Variants in SEMA3E observed in about 807,000 individuals in gnomAD.
The protein encoded by SEMA3E is semaphorin 3E.
Under a neutral mutation model 93.6 loss-of-function variants are expected in SEMA3E, and 49 were observed. The observed-to-expected ratio is 0.52, with a 90% CI of 0.42 to 0.66. The LOEUF is 0.66. SEMA3E is among the 30% of genes least tolerant of loss of function. The pLI is 0.00. For missense variants in SEMA3E, 906 were observed against 964.8 expected, an observed-to-expected ratio of 0.94 and a Z score of 0.81; for synonymous variants, 363 against 330.7, an observed-to-expected ratio of 1.10 and a Z score of -1.06.
intron 1 of SEMA3E, among the ~76,000 whole-genome samples, chr7:83,523,901 G>C (rs1354958716): frequency 2.6e-5 from 4 of 151,950 alleles, no homozygotes; most frequent in Non-Finnish European, 5.9e-5. Context: ...AGAAAGCCTG[G>C]TAACAGATAT....
intron 1 of SEMA3E, among the ~76,000 whole-genome samples, chr7:83,560,906 G>C (rs564534475): frequency 6.6e-6 from 1 of 151,830 alleles, no homozygotes; most frequent in African/African-American, 2.4e-5. Context: ...CATATGGATT[G>C]GGGTAAACTT....
intron 16 of SEMA3E, 64 bp downstream of exon 16, chr7:83,385,230 A>G: frequency 1.3e-6 from 2 of 1,561,528 alleles, no homozygotes; most frequent in East Asian, 2.3e-5. Context: ...CAAATAAATC[A>G]TCTATTTACT....
intron 1 of SEMA3E, among the ~76,000 whole-genome samples, chr7:83,617,465 TAATTTTATATA>T (rs572990359): frequency 3.8e-3 from 125 of 32,636 alleles, no homozygotes; most frequent in African/African-American, 4.6e-3. Context: ...AAATAATATA[TAATTTTATATA>T]AATTTTATAT....
intron 1 of SEMA3E, among the ~76,000 whole-genome samples, chr7:83,584,567 T>A (rs1303306583): frequency 6.6e-6 from 1 of 152,146 alleles, no homozygotes; most frequent in African/African-American, 2.4e-5. Flanking sequence ...CAGGAAGCAG[T>A]TGAAGCACCA....
At chr7:83,369,033 GC>G (rs1794716468) in intron 16 of SEMA3E, among the ~76,000 whole-genome samples, 1 of 152,108 alleles carries the variant, frequency 6.6e-6, no homozygotes, top group South Asian at 2.1e-4. Flanking sequence ...TTTGCACAGT[GC>G]TATCAATAGC....
chr7:83,418,308 CT>C (rs781006936), intron 5 of SEMA3E, 81 bp downstream of exon 5: 16 of 976,122 alleles, frequency 1.6e-5, no homozygotes, highest in Non-Finnish European at 2.6e-5. Context: ...TAAAGAAATG[CT>C]GAAAGAATGT....
chr7:83,483,303 T>C (rs1199139736), intron 2 of SEMA3E, among the ~76,000 whole-genome samples: 1 of 152,146 alleles, frequency 6.6e-6, no homozygotes, highest in East Asian at 1.9e-4. Flanking sequence ...CAAAACATCA[T>C]TAACACTCAT....
In SEMA3E at chr7:83,648,686, C is replaced by T; in HGVS notation, c.-144G>A. On this transcript the variant is annotated 5_prime_UTR_variant, in exon 1 of 17. It introduces an in-frame stop codon into an upstream open reading frame of the 5' UTR. Coordinates refer to ENST00000643230, the MANE Select transcript of SEMA3E (RefSeq NM_012431.3). ...CATCAGAAAGCACAGTTCCGAAGTG[C>T]CATTTGTCAGGCTGTATTTGGCTAT... The T allele has an allele frequency of 1.4e-6, 1 of 714,754 alleles. No homozygotes were observed. The highest frequency in any genetic ancestry group is 2.6e-6 in the Non-Finnish European group (1 of 389,058). The allele number at this position is 714,754 out of a possible 1,614,324, so 44.3% of individuals were successfully genotyped here. A position where few individuals can be genotyped will look rare whatever the true frequency, so the allele number is the denominator to read the frequency against.
chr7:83,445,431 G>A (rs1789205343), intron 4 of SEMA3E, among the ~76,000 whole-genome samples: 1 of 152,180 alleles, frequency 6.6e-6, no homozygotes, highest in African/African-American at 2.4e-5. Flanking sequence ...CAAGAGTATA[G>A]GTGGGGCCGG....
intron 1 of SEMA3E, among the ~76,000 whole-genome samples, chr7:83,501,745 T>G (rs2115604145): frequency 6.6e-6 from 1 of 152,382 alleles, no homozygotes; most frequent in Admixed American, 6.5e-5. Flanking sequence ...TTTATGTTTT[T>G]GTTGAAATTG....
At chr7:83,402,820 C>T in intron 9 of SEMA3E, 44 bp from the exon 10 acceptor site, 3 of 1,576,488 alleles carry the variant, frequency 1.9e-6, no homozygotes, top group Non-Finnish European at 2.6e-6. Flanking sequence ...GAACTAACTG[C>T]AGGTCATCTA....
Position 83,626,701 on chromosome 7 carries a change from T to C in SEMA3E, c.115+21727A>G, listed in dbSNP as rs1349331125. On this transcript the variant is annotated intron_variant, in intron 1 of 16. Transcript: ENST00000643230. Reference sequence around the variant, plus strand: ...TTTTGAAGAGTTTTTCATATCTCTATCTTCTTCAGTTCTGCTCTGAATTAG... The same window carrying C: ...TTTTGAAGAGTTTTTCATATCTCTACCTTCTTCAGTTCTGCTCTGAATTAG... 2.0e-5 allele frequency among the ~76,000 whole-genome samples: 3 copies of C among 152,180 alleles called. No homozygotes were observed. The East Asian group carries it at 5.8e-4, about 29-fold the overall frequency.
At chr7:83,457,371 C>T (rs1789507253) in intron 4 of SEMA3E, among the ~76,000 whole-genome samples, 2 of 152,168 alleles carry the variant, frequency 1.3e-5, no homozygotes, top group South Asian at 4.1e-4. Flanking sequence ...AAAATTAAAA[C>T]AGAAATAAAT....
At chr7:83,443,755 A>T (rs994458240) in intron 4 of SEMA3E, among the ~76,000 whole-genome samples, 1 of 152,054 alleles carries the variant, frequency 6.6e-6, no homozygotes, top group African/African-American at 2.4e-5. Context: ...CAAATATTTG[A>T]ACATACCAGT....
chr7:83,626,871 CT>C (rs1400338834), intron 1 of SEMA3E, among the ~76,000 whole-genome samples: 6 of 152,132 alleles, frequency 3.9e-5, no homozygotes, highest in African/African-American at 1.4e-4. Context: ...CTAAACACTG[CT>C]TTAGCTGTGT....
chr7:83,418,440 C>T lies in SEMA3E; in HGVS notation c.500G>A (p.Arg167Lys). 1 of 1,612,002 alleles carries T rather than the reference C, an allele frequency of 6.2e-7. No individual in the cohort carries two copies. The highest frequency in any genetic ancestry group is 1.7e-4 in the Middle Eastern group (1 of 6,058). The change falls in exon 5 of 17, where the codon AGG becomes AAG. Residue 167 changes from arginine to lysine, a missense_variant. Coordinates refer to ENST00000643230, the MANE Select transcript of SEMA3E (RefSeq NM_012431.3). The stretch of plus-strand genomic sequence containing the variant: ...GCTGGGGTCAAAAGGACATCTGCCC[C>T]TTCCTCTCTCAGATCTGGGTGATTC... Reference protein sequence around the residue: ...HLESPRSERGRGRCPFDPSSS... With the variant: ...HLESPRSERGKGRCPFDPSSS...
intron 1 of SEMA3E, among the ~76,000 whole-genome samples, chr7:83,526,941 T>C (rs1484877298): frequency 6.6e-6 from 1 of 152,000 alleles, no homozygotes; most frequent in East Asian, 1.9e-4. Flanking sequence ...CATAATGATA[T>C]GTTCAAGCCC....
intron 16 of SEMA3E, among the ~76,000 whole-genome samples, chr7:83,381,708 A>T (rs1787782240): frequency 6.6e-6 from 1 of 151,990 alleles, no homozygotes; most frequent in Non-Finnish European, 1.5e-5. Flanking sequence ...TTAGTGAAAA[A>T]ACACCCAATA....
intron 5 of SEMA3E, among the ~76,000 whole-genome samples, chr7:83,411,018 G>A (rs1415518577): frequency 2.6e-5 from 4 of 151,818 alleles, no homozygotes; most frequent in African/African-American, 7.3e-5. Flanking sequence ...ATATCTTAAA[G>A]TATTTTAGAC....
Sources: allele counts gnomAD v4.1 joint callset (sites outside exome capture counted in the v4.1 genomes callset), GRCh38; gene constraint gnomAD v4.1.1; transcripts MANE v1.5; gene names NCBI Gene and HGNC (gene_info 2026-07-23, HGNC 2026-07-21).